HOOK3: variants seen among roughly 807,000 people sequenced by gnomAD.
HOOK3 encodes hook microtubule tethering protein 3.
A neutral mutation model predicts 116.3 loss-of-function variants in HOOK3; 24 were observed. That is an observed-to-expected ratio of 0.21 (90% confidence interval 0.15 to 0.29). The LOEUF (loss-of-function observed/expected upper bound fraction) is 0.29, where lower values mean the gene tolerates loss of function less well. Ranked by LOEUF, HOOK3 falls within the 10% of genes least tolerant of loss-of-function variation. The pLI, the probability that HOOK3 is intolerant of heterozygous loss-of-function variation, is 1.00. For synonymous variants in HOOK3, 275 were observed against 283.0 expected, an observed-to-expected ratio of 0.97 and a Z score of 0.28; for missense variants, 632 against 830.2, an observed-to-expected ratio of 0.76 and a Z score of 2.93.
chr8:42,985,559 A>T (rs1193308611), intron 14 of HOOK3, among the ~76,000 whole-genome samples: 1 of 152,126 alleles, frequency 6.6e-6, no homozygotes. Context: ...TGGAGGGTTT[A>T]TATTTTCTTT....
intron 13 of HOOK3, among the ~76,000 whole-genome samples, chr8:42,975,218 C>T (rs1346444892): frequency 6.6e-6 from 1 of 152,214 alleles, no homozygotes; most frequent in East Asian, 1.9e-4. Context: ...GGCTGGGACA[C>T]CTGCCTGACC....
intron 5 of HOOK3, among the ~76,000 whole-genome samples, chr8:42,950,122 C>T (rs1303399139): frequency 6.6e-6 from 1 of 152,116 alleles, no homozygotes; most frequent in African/African-American, 2.4e-5. Flanking sequence ...TACATTGGCA[C>T]ATACTCATGC....
Position 43,030,393 on chromosome 8 carries a change from CATATA to C in HOOK3, c.*11901_*11905del, listed in dbSNP as rs1810009306. On this transcript the variant is annotated 3_prime_UTR_variant, in exon 22 of 22. Coordinates refer to ENST00000307602, the MANE Select transcript of HOOK3 (RefSeq NM_032410.4). ...TTATATGTATGTGTTTATATGTATG[CATATA>C]ATATATGTATATGTATATGAAGAAT... 1 of 179,246 alleles carries C rather than the reference CATATA, an allele frequency of 5.6e-6. No individual in the cohort carries two copies. Among genetic ancestry groups the C allele is most frequent in the African/African-American group, 2.4e-5 (1 of 42,326 alleles). 11.1% of individuals were successfully genotyped at this position (179,246 alleles called of 1,614,324 possible). A position where few individuals can be genotyped will look rare whatever the true frequency, so the allele number is the denominator to read the frequency against.
chr8:42,964,547 C>T (rs534691354), intron 9 of HOOK3, 73 bp downstream of exon 9: 32 of 1,378,284 alleles, frequency 2.3e-5, no homozygotes, highest in South Asian at 2.1e-4. Context: ...AGTATATTGG[C>T]CAGGCACATT....
chr8:43,012,823 A>G (rs1231686900), intron 19 of HOOK3, among the ~76,000 whole-genome samples: 1 of 152,104 alleles, frequency 6.6e-6, no homozygotes, highest in Non-Finnish European at 1.5e-5. Context: ...GCTGGTCTCA[A>G]ACTCCTGAGC....
intron 17 of HOOK3, among the ~76,000 whole-genome samples, chr8:43,003,906 G>C (rs1463487970): frequency 1.3e-5 from 2 of 152,202 alleles, no homozygotes; most frequent in South Asian, 2.1e-4. Context: ...CCCTGATCCA[G>C]CGTGCCCTCA....
chr8:42,995,988 G>A (rs1264382844), intron 15 of HOOK3, among the ~76,000 whole-genome samples: 2 of 152,074 alleles, frequency 1.3e-5, no homozygotes, highest in Non-Finnish European at 1.5e-5. Context: ...TGTGTGGTCT[G>A]TCTGACCATG....
Position 42,959,081 on chromosome 8 carries a change from T to C in HOOK3, c.532-150T>C, listed in dbSNP as rs939868635. ...AATTTAAAGTTAAAAGTGCTGTGTT[T>C]GTACTCTTCCACAGGATTCTTGATT... On this transcript the variant is annotated intron_variant, in intron 7 of 21. Transcript: ENST00000307602. The C allele has an allele frequency of 6.9e-6, 4 of 582,106 alleles. No homozygotes were observed. In the African/African-American group the frequency reaches 7.5e-5, roughly 11 times the overall value. 36.1% of individuals were successfully genotyped at this position (582,106 alleles called of 1,614,324 possible).
chr8:42,966,427 G>T (rs1224160766), intron 9 of HOOK3, 46 bp from the exon 10 acceptor site: 1 of 1,595,396 alleles, frequency 6.3e-7, no homozygotes, highest in South Asian at 1.1e-5. Flanking sequence ...GGAGAATGAG[G>T]AGGCAGTAAA....
At chr8:42,924,050 GTATT>G (rs1433670614) in intron 2 of HOOK3, among the ~76,000 whole-genome samples, 3 of 151,950 alleles carry the variant, frequency 2.0e-5, no homozygotes, top group Admixed American at 6.6e-5. Context: ...TACTGATTGT[GTATT>G]TATCAGTATG....
intron 5 of HOOK3, among the ~76,000 whole-genome samples, chr8:42,946,238 G>T (rs1004148304): frequency 6.6e-6 from 1 of 152,194 alleles, no homozygotes; most frequent in Admixed American, 6.5e-5. Flanking sequence ...TGAACGCAGA[G>T]GTGAGTGTTC....
rs372843881 is a variant in HOOK3 at position 42,969,062 on chromosome 8, C to T, written c.1122+848C>T. 3.9e-5 allele frequency among the ~76,000 whole-genome samples: 6 copies of T among 152,214 alleles called. No individual in the cohort carries two copies. The East Asian group carries it at 1.2e-3, about 29-fold the overall frequency. On this transcript the variant is annotated intron_variant, in intron 11 of 21. Transcript: ENST00000307602. The stretch of plus-strand genomic sequence containing the variant: ...TTTCTGCTGCTCTCTCAGTTAGTCT[C>T]TGTACCAAAATTTATCTATTTTCCT...
chr8:42,916,169 C>T (rs1487560955), intron 2 of HOOK3, among the ~76,000 whole-genome samples: 1 of 152,222 alleles, frequency 6.6e-6, no homozygotes, highest in African/African-American at 2.4e-5. Context: ...GTGGAGCCTG[C>T]CCTGCCCACC....
chr8:42,919,716 A>G (rs1010097852), intron 2 of HOOK3, among the ~76,000 whole-genome samples: 29 of 152,206 alleles, frequency 1.9e-4, no homozygotes, highest in African/African-American at 6.8e-4. Flanking sequence ...TGAGGCTGGC[A>G]GATCACTCGC....
At chr8:43,008,390 TGCA>T (rs199563882) in intron 18 of HOOK3, among the ~76,000 whole-genome samples, 7,337 of 152,110 alleles carry the variant, frequency 0.048, 354 homozygotes, top group African/African-American at 0.12. Flanking sequence ...CACAGCTCAC[TGCA>T]GCAGTCTTGA....
chr8:42,923,004 T>C (rs192479648), intron 2 of HOOK3, among the ~76,000 whole-genome samples: 34 of 152,212 alleles, frequency 2.2e-4, no homozygotes, highest in Admixed American at 1.8e-3. Context: ...ACCAAAACTC[T>C]TACAATTCAA....
At position 43,022,349 on chromosome 8, in the gene HOOK3, A is replaced by G. The variant is rs189245015; in HGVS notation, c.*3851A>G. 6.1e-4 allele frequency: 126 copies of G among 206,636 alleles called. No individual in the cohort carries two copies. Among genetic ancestry groups the G allele is most frequent in the Non-Finnish European group, 1.0e-3 (105 of 101,164 alleles). 12.8% of individuals were successfully genotyped at this position (206,636 alleles called of 1,614,324 possible). On this transcript the variant is annotated 3_prime_UTR_variant, in exon 22 of 22. Coordinates refer to ENST00000307602, the MANE Select transcript of HOOK3 (RefSeq NM_032410.4). Reference sequence around the variant, plus strand: ...ATTTTTACAAACTCTCGCATACAGCACCTTCCTGGGGCCACGTTGGCTTGT... The same window carrying G: ...ATTTTTACAAACTCTCGCATACAGCGCCTTCCTGGGGCCACGTTGGCTTGT...
At chr8:42,932,252 GTT>G (rs1807888482) in intron 4 of HOOK3, among the ~76,000 whole-genome samples, 1 of 151,986 alleles carries the variant, frequency 6.6e-6, no homozygotes, top group South Asian at 2.1e-4. Flanking sequence ...TTGACAAAAT[GTT>G]TTTTTCCTTC....
chr8:42,964,988 C>T (rs1403108822), intron 9 of HOOK3, among the ~76,000 whole-genome samples: 1 of 152,216 alleles, frequency 6.6e-6, no homozygotes, highest in African/African-American at 2.4e-5. Flanking sequence ...TGTTTGAAGG[C>T]AGAATGCCGC....
Sources: gnomAD v4.1 joint callset for allele counts (sites outside exome capture counted in the v4.1 genomes callset) on GRCh38, gnomAD v4.1.1 for gene constraint, MANE v1.5 for transcripts, NCBI Gene and HGNC (gene_info 2026-07-23, HGNC 2026-07-21) for gene names.